TPO: variants seen among roughly 807,000 people sequenced by gnomAD.
The protein encoded by TPO is thyroid peroxidase, also known as thyroid microsomal antigen.
In TPO, 78 loss-of-function variants were observed where a neutral mutation model predicts 96.9. The ratio of observed to expected loss-of-function variants is 0.81; its 90% CI spans 0.67 to 0.97. TPO has a LOEUF of 0.97. Ranked by LOEUF, TPO falls within the 50% of genes least tolerant of loss-of-function variation. The probability of loss-of-function intolerance (pLI) is 0.00; values close to 1 mark genes in which losing one functional copy is unlikely to be tolerated. For synonymous variants in TPO, 547 were observed against 538.0 expected (o/e 1.02, Z -0.23); for missense variants, 1,252 against 1,274.8 (o/e 0.98, Z 0.27).
intron 3 of TPO, among the ~76,000 whole-genome samples, chr2:1,427,447 T>A (rs1664529627): frequency 6.6e-6 from 1 of 152,102 alleles, no homozygotes; most frequent in Non-Finnish European, 1.5e-5. Context: ...TGGCCAGGTG[T>A]GGCTGGTAGT....
At chr2:1,520,499 C>T (rs556456339) in intron 15 of TPO, among the ~76,000 whole-genome samples, 1 of 152,174 alleles carries the variant, frequency 6.6e-6, no homozygotes, top group Admixed American at 6.5e-5. Flanking sequence ...AAGGTGTTTG[C>T]TTCTCTACTC....
At chr2:1,478,641 G>C (rs1001275652) in intron 8 of TPO, among the ~76,000 whole-genome samples, 5 of 152,248 alleles carry the variant, frequency 3.3e-5, no homozygotes, top group African/African-American at 1.2e-4. Flanking sequence ...CCTGGAACAG[G>C]GGCTGGCAGC....
intron 1 of TPO, among the ~76,000 whole-genome samples, chr2:1,407,694 G>C (rs1035023791): frequency 3.9e-5 from 6 of 152,120 alleles, no homozygotes; most frequent in African/African-American, 1.4e-4. Flanking sequence ...TAATAAACCA[G>C]ATGAGCACAA....
intron 3 of TPO, among the ~76,000 whole-genome samples, chr2:1,425,806 C>CCG (rs1664316554): frequency 6.6e-6 from 1 of 152,124 alleles, no homozygotes; most frequent in Non-Finnish European, 1.5e-5. Context: ...CCTCAGAAGT[C>CCG]TATGCTCCTT....
chr2:1,536,780 C>T (rs1342254112), intron 15 of TPO, among the ~76,000 whole-genome samples: 1 of 138,562 alleles, frequency 7.2e-6, no homozygotes, highest in Non-Finnish European at 1.6e-5. Flanking sequence ...GTGTAATCTC[C>T]CCAAATCCCC....
chr2:1,390,804 A>T (rs1389614452), intron 1 of TPO, among the ~76,000 whole-genome samples: 4 of 152,128 alleles, frequency 2.6e-5, no homozygotes, highest in Non-Finnish European at 4.4e-5. Flanking sequence ...GCATCTTTTC[A>T]TGTGTCTGTT....
Position 1,453,845 on chromosome 2 carries a change from A to C in TPO, c.612+22A>C, listed in dbSNP as rs780910031. On this transcript the variant is annotated intron_variant, in intron 6 of 16. Coordinates refer to ENST00000329066, the MANE Select transcript of TPO (RefSeq NM_001206744.2). Reference sequence around the variant, plus strand: ...CCCGGTGGGTACTCAGAACGCTACTATCCTGGACTAAGATTGGGTCCTGTG... The same window carrying C: ...CCCGGTGGGTACTCAGAACGCTACTCTCCTGGACTAAGATTGGGTCCTGTG... 11 of 1,613,370 alleles carry C rather than the reference A, an allele frequency of 6.8e-6. No individual in the cohort carries two copies. The African/African-American group carries it at 1.3e-4, about 20-fold the overall frequency.
intron 6 of TPO, among the ~76,000 whole-genome samples, chr2:1,455,270 G>A (rs1270136039): frequency 6.6e-6 from 1 of 152,188 alleles, no homozygotes. Context: ...TTAGCGAATG[G>A]ATGTTGTGCG....
intron 15 of TPO, 116 bp downstream of exon 15, chr2:1,517,098 CA>C (rs1227415817): frequency 9.7e-7 from 1 of 1,029,760 alleles, no homozygotes; most frequent in African/African-American, 1.6e-5. Flanking sequence ...ACTGGTATCT[CA>C]AAGGCATTGA....
intron 15 of TPO, among the ~76,000 whole-genome samples, chr2:1,528,688 C>G (rs1677215471): frequency 6.9e-6 from 1 of 144,836 alleles, no homozygotes; most frequent in Non-Finnish European, 1.5e-5. Context: ...CCCAAATCCC[C>G]CCTACCTTGT....
In TPO at chr2:1,477,411, C is replaced by T. The variant is rs1024606732; in HGVS notation, c.1145C>T (p.Pro382Leu). Residue 382 changes from proline (P) to leucine (L), a missense_variant, in exon 8 of 17, where the codon CCC becomes CTC. Coordinates refer to ENST00000329066, the MANE Select transcript of TPO (RefSeq NM_001206744.2). ...PAACAPEPGI[P>L]GETRGPCFLA... ...GCCTGTGCGCCCGAGCCCGGCATCC[C>T]CGGAGAGACCCGCGGGCCCTGCTTC... is the stretch of plus-strand genomic sequence containing the variant. 2.6e-6 allele frequency: 4 copies of T among 1,525,714 alleles called. No individual in the cohort carries two copies. Among genetic ancestry groups the T allele is most frequent in the Non-Finnish European group, 2.6e-6 (3 of 1,139,996 alleles). 94.5% of individuals were successfully genotyped at this position (1,525,714 alleles called of 1,614,324 possible).
chr2:1,458,033 A>G (rs1352219499), intron 7 of TPO, among the ~76,000 whole-genome samples: 1 of 151,142 alleles, frequency 6.6e-6, no homozygotes, highest in African/African-American at 2.4e-5. Flanking sequence ...GCACGTGTGT[A>G]TATGGCATAT....
At chr2:1,425,345 C>T (rs1280439455) in intron 3 of TPO, among the ~76,000 whole-genome samples, 8 of 144,144 alleles carry the variant, frequency 5.6e-5, no homozygotes, top group East Asian at 1.9e-4. Context: ...AGTCCATGCC[C>T]GTTCTGTGCA....
chr2:1,469,613 A>G (rs1469217637), intron 7 of TPO, among the ~76,000 whole-genome samples: 1 of 152,038 alleles, frequency 6.6e-6, no homozygotes, highest in Non-Finnish European at 1.5e-5. Flanking sequence ...ATGGCTTCCT[A>G]GGGGACCCAG....
intron 1 of TPO, among the ~76,000 whole-genome samples, chr2:1,385,525 C>A (rs577670406): frequency 6.5e-4 from 99 of 151,834 alleles, no homozygotes; most frequent in African/African-American, 2.3e-3. Flanking sequence ...CTCTGATGGT[C>A]GTTTGTATTT....
chr2:1,384,142 A>G (rs1279667043), intron 1 of TPO, among the ~76,000 whole-genome samples: 1 of 152,210 alleles, frequency 6.6e-6, no homozygotes, highest in African/African-American at 2.4e-5. Context: ...GTTTGAAGTC[A>G]GGTAGCGTGA....
At position 1,393,750 on chromosome 2, in the gene TPO, A is replaced by G. The variant is rs538904358; in HGVS notation, n.180+19348A>G. 2.7e-3 allele frequency among the ~76,000 whole-genome samples: 409 copies of G among 152,390 alleles called. 1 individual carries two copies. The highest frequency in any genetic ancestry group is 6.5e-3 in the Admixed American group (100 of 15,310). ...ATACTTTATCCAGGAAAAAATGCTC[A>G]TGCGTGATTATTGGAGTACAAATAA... On this transcript the variant is annotated intron_variant and non_coding_transcript_variant, in intron 1 of 5. Coordinates refer to the TPO transcript ENST00000497517.
chr2:1,500,921 G>A (rs1037918868), intron 13 of TPO, among the ~76,000 whole-genome samples: 7 of 148,846 alleles, frequency 4.7e-5, no homozygotes, highest in Non-Finnish European at 8.9e-5. Flanking sequence ...TCAGTGAGCC[G>A]AGATTGCACC....
At chr2:1,393,968 T>C (rs902724366) in intron 1 of TPO, among the ~76,000 whole-genome samples, 5 of 152,230 alleles carry the variant, frequency 3.3e-5, no homozygotes, top group Non-Finnish European at 5.9e-5. Context: ...AATTCGTTGA[T>C]GTTTATGTGT....
Sources: allele counts gnomAD v4.1 joint callset (sites outside exome capture counted in the v4.1 genomes callset), GRCh38; gene constraint gnomAD v4.1.1; transcripts MANE v1.5; gene names NCBI Gene and HGNC (gene_info 2026-07-23, HGNC 2026-07-21).